The following ENTPD7 variants were observed in gnomAD, a reference collection of about 807,000 sequenced individuals.
ENTPD7 encodes the protein ectonucleoside triphosphate diphosphohydrolase 7, also known as NTPDase 7.
ENTPD7 carries 53 observed loss-of-function variants against 77.9 expected under a neutral mutation model. The observed-to-expected ratio is 0.68, with a 90% CI of 0.55 to 0.85. The LOEUF is 0.85. Among genes scored for constraint, ENTPD7 ranks in the 40% least tolerant of loss-of-function variants. The pLI, the probability that ENTPD7 is intolerant of heterozygous loss-of-function variation, is 0.00. For synonymous variants in ENTPD7, 248 were observed against 274.9 expected, an observed-to-expected ratio of 0.90 and a Z score of 0.97; for missense variants, 636 against 743.7, an observed-to-expected ratio of 0.86 and a Z score of 1.68.
Position 99,691,436 on chromosome 10 carries a change from T to C in ENTPD7, c.761T>C (p.Val254Ala). ...QELAAGRRRT[V>A]GILDMGGASL... The stretch of plus-strand genomic sequence containing the variant: ...TTGGCAGCAGGACGGAGAAGGACAG[T>C]AGGGATACTGGATATGGGAGGAGCC... The change falls in exon 8 of 13, where the codon GTA becomes GCA. Residue 254 changes from valine to alanine, a missense_variant. Around this residue, in one of 3 missense-constraint regions of ENTPD7, gnomAD observed 486 missense variants for 556.5 expected, o/e 0.87. Transcript: ENST00000370489. 1 of 1,614,092 alleles carries C rather than the reference T, an allele frequency of 6.2e-7. No individual in the cohort carries two copies. The highest frequency in any genetic ancestry group is 8.5e-7 in the Non-Finnish European group (1 of 1,179,970).
intron 3 of ENTPD7, among the ~76,000 whole-genome samples, chr10:99,669,687 T>C (rs1024044881): frequency 2.0e-5 from 3 of 148,934 alleles, no homozygotes; most frequent in Admixed American, 6.7e-5. Flanking sequence ...CCCCTGACCC[T>C]ACACATGCAC....
At chr10:99,694,172 C>T (rs1240200455) in intron 8 of ENTPD7, among the ~76,000 whole-genome samples, 1 of 152,168 alleles carries the variant, frequency 6.6e-6, no homozygotes, top group African/African-American at 2.4e-5. Flanking sequence ...CCACTCATTT[C>T]CCATTAGCAG....
At chr10:99,697,962 A>C (rs979333513) in intron 9 of ENTPD7, 1 of 156,192 alleles carries the variant, frequency 6.4e-6, no homozygotes, top group African/African-American at 2.4e-5. Context: ...TGGGAATCAA[A>C]GCTTTCCAGT....
chr10:99,696,528 G>A (rs984801726), intron 9 of ENTPD7, among the ~76,000 whole-genome samples: 6 of 152,210 alleles, frequency 3.9e-5, no homozygotes, highest in African/African-American at 1.4e-4. Flanking sequence ...TGAGAGTTCA[G>A]TTCTGTAGTA....
chr10:99,685,921 G>A (rs887282095), intron 6 of ENTPD7, 26 bp downstream of exon 6: 4 of 1,519,052 alleles, frequency 2.6e-6, no homozygotes, highest in Non-Finnish European at 3.6e-6. Context: ...GGGTGCAGCT[G>A]GTTAACCTCT....
Position 99,661,461 on chromosome 10 carries a change from C to CCT in ENTPD7, c.27_28dup (p.Cys10SerfsTer13), listed in dbSNP as rs1419006222. The CCT allele has an allele frequency of 6.2e-7, 1 of 1,601,898 alleles. No homozygotes were observed. Among genetic ancestry groups the CCT allele is most frequent in the Non-Finnish European group, 8.5e-7 (1 of 1,176,208 alleles). ...CTAATTTCAGGATCAGTTTTTCCTA[C>CCT]CTCTGCCCAGCCTCCTGGTACTTCA... On this transcript the variant is annotated frameshift_variant, in exon 3 of 13. Coordinates refer to ENST00000370489, the MANE Select transcript of ENTPD7 (RefSeq NM_020354.5). LOFTEE classifies it high-confidence loss of function.
intron 3 of ENTPD7, among the ~76,000 whole-genome samples, chr10:99,663,966 T>G (rs776622486): frequency 6.6e-6 from 1 of 152,172 alleles, no homozygotes; most frequent in African/African-American, 2.4e-5. Context: ...TTTTTTCCAG[T>G]CTTTTTTCTC....
At chr10:99,699,708 A>T (rs1208713340) in intron 10 of ENTPD7, among the ~76,000 whole-genome samples, 1 of 152,026 alleles carries the variant, frequency 6.6e-6, no homozygotes, top group African/African-American at 2.4e-5. Context: ...GGGATTACAG[A>T]TGCCCACCAC....
intron 3 of ENTPD7, among the ~76,000 whole-genome samples, chr10:99,669,315 G>GA (rs2035589372): frequency 6.6e-6 from 1 of 152,024 alleles, no homozygotes; most frequent in Admixed American, 6.6e-5. Flanking sequence ...CTTTTGCATT[G>GA]AAAACAGATA....
intron 6 of ENTPD7, among the ~76,000 whole-genome samples, chr10:99,687,259 CTTTTTTTTTTTT>C (rs71009768): frequency 3.4e-5 from 1 of 29,522 alleles, no homozygotes; most frequent in African/African-American, 1.4e-4. Flanking sequence ...TTCTTTCTTT[CTTTTTTTTTTTT>C]TTTTTTTTTT....
chr10:99,702,795 C>T, intron 12 of ENTPD7, 122 bp downstream of exon 12: 1 of 850,716 alleles, frequency 1.2e-6, no homozygotes, highest in Non-Finnish European at 1.6e-6. Context: ...ACCTTCCTCT[C>T]TACCCCCTCA....
At chr10:99,667,967 C>G (rs1353632692) in intron 3 of ENTPD7, among the ~76,000 whole-genome samples, 1 of 119,238 alleles carries the variant, frequency 8.4e-6, no homozygotes, top group Non-Finnish European at 1.6e-5. Context: ...CAGAGTCTCA[C>G]TCTGTTGCCC....
intron 10 of ENTPD7, 148 bp from the exon 11 acceptor site, chr10:99,700,825 T>A: frequency 1.4e-6 from 1 of 709,218 alleles, no homozygotes; most frequent in East Asian, 2.5e-5. Context: ...TATGACGCAG[T>A]GTTTAGTGAA....
At chr10:99,686,871 G>A (rs1214101129) in intron 6 of ENTPD7, among the ~76,000 whole-genome samples, 2 of 150,318 alleles carry the variant, frequency 1.3e-5, no homozygotes, top group East Asian at 3.9e-4. Context: ...TGTTTTAGGA[G>A]GCAGTTGATC....
intron 10 of ENTPD7, 79 bp downstream of exon 10, chr10:99,698,937 C>T: frequency 1.5e-6 from 2 of 1,343,952 alleles, no homozygotes; most frequent in Non-Finnish European, 2.0e-6. Context: ...AGGTGCTGTG[C>T]AAAGGGCTTT....
Position 99,702,569 on chromosome 10 carries a change from T to C in ENTPD7, c.1479T>C (p.Phe493=), listed in dbSNP as rs761408597. ...MYQVLHEGFH[F]PYDYPNLRTA... is the part of the protein sequence containing the mutation. The stretch of plus-strand genomic sequence containing the variant: ...AAGTCTTACATGAAGGATTCCACTT[T>C]CCCTATGACTACCCAAACCTGCGGA... Residue 493 remains phenylalanine, a synonymous_variant, in exon 12 of 13, where the codon TTT becomes TTC. Coordinates refer to ENST00000370489, the MANE Select transcript of ENTPD7 (RefSeq NM_020354.5). The C allele has an allele frequency of 6.2e-7, 1 of 1,612,882 alleles. No individual in the cohort carries two copies. Among genetic ancestry groups the C allele is most frequent in the Non-Finnish European group, 8.5e-7 (1 of 1,179,518 alleles).
rs1458094251 is a variant in ENTPD7, at chr10:99,708,450, T to A, written c.*3767T>A. 6.6e-6 allele frequency among the ~76,000 whole-genome samples: 1 copy of A among 152,226 alleles called. No individual in the cohort carries two copies. Among genetic ancestry groups the A allele is most frequent in the Non-Finnish European group, 1.5e-5 (1 of 68,030 alleles). On this transcript the variant is annotated 3_prime_UTR_variant, in exon 13 of 13. Transcript: ENST00000370489. ...ACGAATAGCAGACCTGGATTCTAGTTCTGGCTTTGTCATTTACTAGCTCTG... is the reference window on the plus strand; with the variant it reads ...ACGAATAGCAGACCTGGATTCTAGTACTGGCTTTGTCATTTACTAGCTCTG...
At chr10:99,704,389 G>GT in intron 12 of ENTPD7, 63 bp from the exon 13 acceptor site, 1 of 1,535,096 alleles carries the variant, frequency 6.5e-7, no homozygotes, top group Non-Finnish European at 9.0e-7. Flanking sequence ...TTTCAAATCA[G>GT]TAAATGTCTC....
Position 99,706,273 on chromosome 10 carries a change from T to C in ENTPD7, c.*1590T>C, listed in dbSNP as rs1195806191. Reference sequence around the variant, plus strand: ...GACCCTTGGTTGGTAGATAAAAAGATGACCAGTCTTGTATTGTTTTAAAAT... The same window carrying C: ...GACCCTTGGTTGGTAGATAAAAAGACGACCAGTCTTGTATTGTTTTAAAAT... On this transcript the variant is annotated 3_prime_UTR_variant, in exon 13 of 13. Coordinates refer to ENST00000370489, the MANE Select transcript of ENTPD7 (RefSeq NM_020354.5). The C allele has an allele frequency of 2.0e-5, 3 of 151,844 alleles. No homozygotes were observed. The highest frequency in any genetic ancestry group is 3.8e-4 in the East Asian group (2 of 5,200). 9.4% of individuals were successfully genotyped at this position (151,844 alleles called of 1,614,324 possible). A position where few individuals can be genotyped will look rare whatever the true frequency, so the allele number is the denominator to read the frequency against.
Sources: gnomAD v4.1 joint callset for allele counts (sites outside exome capture counted in the v4.1 genomes callset) on GRCh38, gnomAD v4.1.1 for gene constraint, gnomAD v4.1.1 regional missense constraint, MANE v1.5 for transcripts, NCBI Gene and HGNC (gene_info 2026-07-23, HGNC 2026-07-21) for gene names.